Variants in MCPH1 observed in about 807,000 individuals in gnomAD.
The protein encoded by MCPH1 is microcephalin 1, also known as microcephalin.
Under a neutral mutation model 84.5 loss-of-function variants are expected in MCPH1, and 104 were observed. That is an observed-to-expected ratio of 1.23 (90% CI 1.05 to 1.45). The LOEUF (loss-of-function observed/expected upper bound fraction) is 1.45, where lower values mean the gene tolerates loss of function less well. Ranked by LOEUF, MCPH1 falls within the 40% of genes most tolerant of loss-of-function variation. The pLI is 0.00. For missense variants in MCPH1, 1,498 were observed against 1,005.7 expected (o/e 1.49, Z -6.62); for synonymous variants, 514 against 366.8 (o/e 1.40, Z -4.58).
chr8:6,603,489 C>G (rs1218924594), intron 12 of MCPH1, among the ~76,000 whole-genome samples: 1 of 152,038 alleles, frequency 6.6e-6, no homozygotes, highest in Non-Finnish European at 1.5e-5. Flanking sequence ...ACCCTTTGCT[C>G]GAAAATGATC....
intron 12 of MCPH1, chr8:6,508,863 T>G (rs1398211329): frequency 6.2e-7 from 1 of 1,604,778 alleles, no homozygotes. Context: ...GTAGTCCAAA[T>G]TGCCAGCCTT....
At chr8:6,551,480 G>C (rs189808807) in intron 12 of MCPH1, among the ~76,000 whole-genome samples, 1 of 152,332 alleles carries the variant, frequency 6.6e-6, no homozygotes, top group East Asian at 1.9e-4. Flanking sequence ...GAGCCATGCT[G>C]TACTTGAAAA....
intron 13 of MCPH1, chr8:6,635,327 G>C (rs1797468778): frequency 6.6e-6 from 1 of 152,324 alleles, no homozygotes; most frequent in Non-Finnish European, 1.5e-5. Context: ...ACAGCGTGGA[G>C]CTCAGGTGTG....
intron 12 of MCPH1, 98 bp downstream of exon 12, chr8:6,500,027 C>A: frequency 2.1e-6 from 2 of 947,982 alleles, no homozygotes; most frequent in African/African-American, 1.6e-5. Flanking sequence ...TCCAGTCAAG[C>A]ACAATTATGC....
chr8:6,606,599 G>A (rs115388225), intron 12 of MCPH1, among the ~76,000 whole-genome samples: 85 of 152,346 alleles, frequency 5.6e-4, no homozygotes, highest in African/African-American at 1.9e-3. Context: ...GAGCAAGGCT[G>A]TGCTGAATGG....
intron 3 of MCPH1, among the ~76,000 whole-genome samples, chr8:6,417,799 T>C (rs1189703603): frequency 1.3e-5 from 2 of 152,198 alleles, no homozygotes; most frequent in East Asian, 1.9e-4. Context: ...TGGTATCTGT[T>C]TTGTTTTTGT....
Position 6,647,566 on chromosome 8 carries a change from G to A in MCPH1, c.*4517G>A, listed in dbSNP as rs181188438. 3.9e-5 allele frequency: 6 copies of A among 152,164 alleles called. No homozygotes were observed. Among genetic ancestry groups the A allele is most frequent in the Admixed American group, 2.0e-4 (3 of 15,268 alleles). The allele number at this position is 152,164 out of a possible 1,614,324, so 9.4% of individuals were successfully genotyped here. ...AAAATGTATATCCACACCATGGAAC[G>A]CTACTCAGCAAACTTCTAAAAAGCA... is the stretch of plus-strand genomic sequence containing the variant. On this transcript the variant is annotated 3_prime_UTR_variant, in exon 14 of 14. Transcript: ENST00000344683.
chr8:6,563,108 G>T, intron 12 of MCPH1: 1 of 614,138 alleles, frequency 1.6e-6, no homozygotes, highest in Non-Finnish European at 2.7e-6. Flanking sequence ...TTACTGCTGT[G>T]TTCTCTCCAG....
chr8:6,582,821 C>G (rs1827661963), intron 12 of MCPH1, among the ~76,000 whole-genome samples: 1 of 152,186 alleles, frequency 6.6e-6, no homozygotes, highest in Non-Finnish European at 1.5e-5. Flanking sequence ...AGCTCTGTGG[C>G]TTTTGCTCCT....
chr8:6,593,380 A>G (rs1460440605), intron 12 of MCPH1, among the ~76,000 whole-genome samples: 1 of 146,382 alleles, frequency 6.8e-6, no homozygotes, highest in Non-Finnish European at 1.5e-5. Context: ...ACCAAACTCA[A>G]CTTATAATTT....
intron 13 of MCPH1, chr8:6,625,188 T>G (rs1831940776): frequency 1.0e-6 from 1 of 985,448 alleles, no homozygotes; most frequent in African/African-American, 1.7e-5. Flanking sequence ...ATCACCTATT[T>G]TCTGTGGAAT....
chr8:6,528,401 C>T (rs1217743960), intron 12 of MCPH1, among the ~76,000 whole-genome samples: 1 of 152,190 alleles, frequency 6.6e-6, no homozygotes, highest in Admixed American at 6.5e-5. Context: ...TGTCACTAGA[C>T]AGAGAGATTG....
chr8:6,530,050 C>T (rs948878892), intron 12 of MCPH1, among the ~76,000 whole-genome samples: 1 of 151,872 alleles, frequency 6.6e-6, no homozygotes, highest in African/African-American at 2.4e-5. Flanking sequence ...ATGCTTGGAT[C>T]TAACTATTAT....
At position 6,407,646 on chromosome 8, in the gene MCPH1, G is replaced by A. The variant is rs150338352; in HGVS notation, c.22+957G>A. Among the ~76,000 whole-genome samples the A allele has an allele frequency of 2.4e-3, 371 of 152,322 alleles. 2 individuals carry two copies. The highest frequency in any genetic ancestry group is 8.7e-3 in the African/African-American group (363 of 41,566). On this transcript the variant is annotated intron_variant, in intron 1 of 13. Coordinates refer to ENST00000344683, the MANE Select transcript of MCPH1 (RefSeq NM_024596.5). The stretch of plus-strand genomic sequence containing the variant: ...CTTTATACAAAGTCTGTAATCAGAT[G>A]TGGCTATTTTTCTAATGTTAGTATT...
intron 3 of MCPH1, among the ~76,000 whole-genome samples, chr8:6,415,207 A>G (rs1234811284): frequency 6.6e-6 from 1 of 152,036 alleles, no homozygotes; most frequent in African/African-American, 2.4e-5. Context: ...GGACCACAGA[A>G]TGGGTCGCTT....
chr8:6,505,193 C>T (rs1813062543), intron 12 of MCPH1, among the ~76,000 whole-genome samples: 1 of 126,186 alleles, frequency 7.9e-6, no homozygotes, highest in Non-Finnish European at 1.6e-5. Flanking sequence ...TATATATATT[C>T]TTATGTATAT....
intron 13 of MCPH1, among the ~76,000 whole-genome samples, chr8:6,636,399 C>T (rs896515203): frequency 4.0e-5 from 6 of 151,416 alleles, no homozygotes; most frequent in African/African-American, 1.5e-4. Flanking sequence ...ACTGATTGTC[C>T]ACATGGGGGT....
intron 3 of MCPH1, among the ~76,000 whole-genome samples, chr8:6,422,340 GA>G (rs5889169): frequency 0.67 from 101,616 of 152,000 alleles, 38,071 homozygotes; most frequent in Non-Finnish European, 0.82. Context: ...AAAATGATTT[GA>G]AAAAAAACTA....
intron 12 of MCPH1, chr8:6,618,597 T>G (rs528928284): frequency 3.9e-5 from 6 of 152,342 alleles, no homozygotes; most frequent in Non-Finnish European, 8.8e-5. Flanking sequence ...AGAGAATTTT[T>G]CACAGTTGTT....
Sources: gnomAD v4.1 joint callset for allele counts (sites outside exome capture counted in the v4.1 genomes callset) on GRCh38, gnomAD v4.1.1 for gene constraint, MANE v1.5 for transcripts, NCBI Gene and HGNC (gene_info 2026-07-23, HGNC 2026-07-21) for gene names.